Variants in PLA2G4E observed in about 807,000 individuals in gnomAD.
The protein encoded by PLA2G4E is cytosolic phospholipase A2 epsilon.
A neutral mutation model predicts 109.1 loss-of-function variants in PLA2G4E; 84 were observed. That is an observed-to-expected ratio of 0.77 (90% CI 0.65 to 0.92). The LOEUF (loss-of-function observed/expected upper bound fraction) is 0.92, where lower values mean the gene tolerates loss of function less well. Among genes scored for constraint, PLA2G4E ranks in the 40% least tolerant of loss-of-function variants. The probability of loss-of-function intolerance (pLI) is 0.00; values close to 1 mark genes in which losing one functional copy is unlikely to be tolerated. For synonymous variants in PLA2G4E, 469 were observed against 436.1 expected, an observed-to-expected ratio of 1.08 and a Z score of -0.94; for missense variants, 1,057 against 1,076.6, an observed-to-expected ratio of 0.98 and a Z score of 0.25.
At chr15:41,997,184 G>A (rs763681478) in exon 11 of PLA2G4E, 13 of 1,559,724 alleles carry the variant, frequency 8.3e-6, no homozygotes, top group Non-Finnish European at 1.1e-5. Context: ...TGGCCACCAC[G>A]ACCTTCCGCT....
At chr15:42,037,019 G>C (rs1355067481) in intron 1 of PLA2G4E, among the ~76,000 whole-genome samples, 2 of 152,240 alleles carry the variant, frequency 1.3e-5, no homozygotes, top group African/African-American at 4.8e-5. Flanking sequence ...GGCAGTGCTG[G>C]TATGCCAGCC....
chr15:42,016,072 C>A (rs1023591796), intron 1 of PLA2G4E, among the ~76,000 whole-genome samples: 1 of 152,232 alleles, frequency 6.6e-6, no homozygotes, highest in Middle Eastern at 3.4e-3. Flanking sequence ...CCTCGACATG[C>A]GACCCTGAAT....
chr15:42,039,240 G>A (rs866655142), intron 1 of PLA2G4E, among the ~76,000 whole-genome samples: 4 of 152,124 alleles, frequency 2.6e-5, no homozygotes, highest in East Asian at 1.9e-4. Flanking sequence ...AACTCACACC[G>A]AGGAATACAA....
At chr15:41,987,914 ATGAG>A (rs1331034250) in intron 16 of PLA2G4E, 131 bp downstream of exon 16, 1 of 556,150 alleles carries the variant, frequency 1.8e-6, no homozygotes, top group African/African-American at 2.0e-5. Flanking sequence ...TCACCCAGCC[ATGAG>A]GGAAAGCCGG....
intron 1 of PLA2G4E, among the ~76,000 whole-genome samples, chr15:42,029,890 C>A (rs1889083300): frequency 6.6e-6 from 1 of 152,154 alleles, no homozygotes; most frequent in South Asian, 2.1e-4. Context: ...CAAGGACCTC[C>A]CAATTTAAGT....
intron 3 of PLA2G4E, among the ~76,000 whole-genome samples, chr15:42,006,385 C>T (rs2141048916): frequency 6.6e-6 from 1 of 152,290 alleles, no homozygotes; most frequent in South Asian, 2.1e-4. Flanking sequence ...CTTTTACAAG[C>T]TTGGTAGAGA....
chr15:42,004,176 C>T (rs1364623741), intron 5 of PLA2G4E, among the ~76,000 whole-genome samples: 1 of 152,064 alleles, frequency 6.6e-6, no homozygotes, highest in East Asian at 1.9e-4. Flanking sequence ...GTGGTGTGTT[C>T]CTGTAATCAC....
At chr15:42,030,939 C>T (rs1198892873) in intron 1 of PLA2G4E, among the ~76,000 whole-genome samples, 1 of 152,138 alleles carries the variant, frequency 6.6e-6, no homozygotes, top group African/African-American at 2.4e-5. Context: ...TTTGTTTATC[C>T]ATTCATCAGT....
intron 17 of PLA2G4E, among the ~76,000 whole-genome samples, chr15:41,986,474 T>C (rs1421916687): frequency 6.6e-6 from 1 of 151,664 alleles, no homozygotes; most frequent in Admixed American, 6.6e-5. Flanking sequence ...ACTTGGGGGT[T>C]CCTGAGCTGG....
intron 1 of PLA2G4E, among the ~76,000 whole-genome samples, chr15:42,038,697 G>C (rs1889261507): frequency 6.6e-6 from 1 of 152,300 alleles, no homozygotes; most frequent in East Asian, 1.9e-4. Context: ...ACTATGGTAA[G>C]GGAGAATAAG....
At position 41,992,736 on chromosome 15, in the gene PLA2G4E, CCTCGT is replaced by C. The variant is rs2068271864; in HGVS notation, c.1466_1470del (p.Asp489GlufsTer3). ...GGGCCCAGGAGAAGCCGAGCACCTA[CCTCGT>C]CCCCCAGGCAGGTCTCTATCAGCAG... On this transcript the variant is annotated frameshift_variant and splice_region_variant, in exon 13 of 20. Transcript: ENST00000399518. LOFTEE classifies it high-confidence loss of function. The C allele has an allele frequency of 6.2e-7, 1 of 1,610,702 alleles. No individual in the cohort carries two copies.
chr15:42,005,886 A>T, intron 4 of PLA2G4E, 104 bp downstream of exon 4: 1 of 1,362,708 alleles, frequency 7.3e-7, no homozygotes. Flanking sequence ...TCTCAACTTG[A>T]CTGTGTACAC....
At chr15:41,987,859 C>T (rs2068169123) in intron 16 of PLA2G4E, among the ~76,000 whole-genome samples, 190 bp downstream of exon 16, 1 of 151,894 alleles carries the variant, frequency 6.6e-6, no homozygotes, top group Admixed American at 6.6e-5. Flanking sequence ...CCACACCCCG[C>T]CCCCCATCAC....
intron 1 of PLA2G4E, 43 bp from the exon 2 acceptor site, chr15:42,013,800 T>A (rs1668565): frequency 6.7e-7 from 1 of 1,497,952 alleles, no homozygotes; most frequent in Non-Finnish European, 9.0e-7. Context: ...CAAGCATTAC[T>A]CCAAGGCCAT....
rs906122483 is a variant in PLA2G4E, at chr15:42,050,055, C to T, written c.183+466G>A. ...GCATGGAATTACACTTACGACCCTG[C>T]CAGGCCACTATGCTAGACTGCATGG... On this transcript the variant is annotated intron_variant, in intron 1 of 19. Coordinates refer to ENST00000399518, the Ensembl canonical transcript of PLA2G4E. Among the ~76,000 whole-genome samples, 6 of 152,332 alleles carry T rather than the reference C, an allele frequency of 3.9e-5. No individual in the cohort carries two copies. In the East Asian group the frequency reaches 1.2e-3, roughly 29 times the overall value.
Position 41,984,621 on chromosome 15 carries a change from T to C in PLA2G4E, c.2203-2A>G, listed in dbSNP as rs1326478966. 1 of 1,599,460 alleles carries C rather than the reference T, an allele frequency of 6.3e-7. No individual in the cohort carries two copies. Among genetic ancestry groups the C allele is most frequent in the Non-Finnish European group, 8.6e-7 (1 of 1,169,254 alleles). On this transcript the variant is annotated splice_acceptor_variant, in intron 18 of 19. Transcript: ENST00000399518. LOFTEE classifies it high-confidence loss of function. ...GTACTCACAGGTTTGTTTCAGGGGC[T>C]GGAACAGCACAGAGGGCGTGTTTGA... is the stretch of plus-strand genomic sequence containing the variant.
Position 41,992,726 on chromosome 15 carries a change from C to T in PLA2G4E, c.1470+11G>A, listed in dbSNP as rs34595238. On this transcript the variant is annotated intron_variant, in intron 13 of 19. Coordinates refer to ENST00000399518, the Ensembl canonical transcript of PLA2G4E. Reference sequence around the variant, plus strand: ...GGGCAGGGTGGGGCCCAGGAGAAGCCGAGCACCTACCTCGTCCCCCAGGCA... The same window carrying T: ...GGGCAGGGTGGGGCCCAGGAGAAGCTGAGCACCTACCTCGTCCCCCAGGCA... 0.053 allele frequency: 84,894 copies of T among 1,609,282 alleles called. 3,450 individuals carry two copies. The highest frequency in any genetic ancestry group is 0.22 in the Admixed American group (13,191 of 59,898).
chr15:42,006,956 C>G (rs1175760043), intron 3 of PLA2G4E, among the ~76,000 whole-genome samples: 1 of 152,152 alleles, frequency 6.6e-6, no homozygotes, highest in African/African-American at 2.4e-5. Context: ...GAACCCACAT[C>G]AAAATTCTCC....
At chr15:42,023,941 C>A (rs559132115) in intron 1 of PLA2G4E, among the ~76,000 whole-genome samples, 1 of 152,290 alleles carries the variant, frequency 6.6e-6, no homozygotes, top group Admixed American at 6.5e-5. Flanking sequence ...CAGGTGGGAG[C>A]CAGTGTGACC....
Sources: allele counts gnomAD v4.1 joint callset (sites outside exome capture counted in the v4.1 genomes callset), GRCh38; gene constraint gnomAD v4.1.1; transcripts MANE v1.5; gene names NCBI Gene and HGNC (gene_info 2026-07-23, HGNC 2026-07-21).